TMEM117: variants seen among roughly 807,000 people sequenced by gnomAD.
TMEM117 encodes the protein transmembrane protein 117.
Under a neutral mutation model 52.4 loss-of-function variants are expected in TMEM117, and 27 were observed. The observed-to-expected ratio is 0.51, with a 90% CI of 0.38 to 0.71. TMEM117 has a LOEUF of 0.71. TMEM117 is among the 30% of genes least tolerant of loss of function. The probability of loss-of-function intolerance (pLI) is 0.00; values close to 1 mark genes in which losing one functional copy is unlikely to be tolerated. For synonymous variants in TMEM117, 215 were observed against 206.3 expected, an observed-to-expected ratio of 1.04 and a Z score of -0.36; for missense variants, 556 against 630.5, an observed-to-expected ratio of 0.88 and a Z score of 1.26.
At chr12:43,865,505 T>A (rs1209013745) in intron 2 of TMEM117, among the ~76,000 whole-genome samples, 1 of 152,066 alleles carries the variant, frequency 6.6e-6, no homozygotes, top group Non-Finnish European at 1.5e-5. Flanking sequence ...GAGACCAGCC[T>A]GGCCAGCATC....
chr12:44,312,252 C>T (rs1046730841), intron 6 of TMEM117, among the ~76,000 whole-genome samples: 1 of 151,708 alleles, frequency 6.6e-6, no homozygotes. Flanking sequence ...GTTTTTCAGC[C>T]CTTGTCCCTT....
intron 4 of TMEM117, among the ~76,000 whole-genome samples, chr12:44,171,209 G>C (rs896894638): frequency 6.6e-6 from 1 of 151,814 alleles, no homozygotes; most frequent in African/African-American, 2.4e-5. Flanking sequence ...TAGAGACAGG[G>C]TTTCACCATT....
At chr12:44,120,915 T>TC (rs1168593935) in intron 3 of TMEM117, among the ~76,000 whole-genome samples, 1 of 152,218 alleles carries the variant, frequency 6.6e-6, no homozygotes, top group Non-Finnish European at 1.5e-5. Flanking sequence ...TCTTTATTAG[T>TC]CCATTTTCAT....
chr12:43,797,377 T>A, the TMEM117 span: 4 of 1,605,512 alleles, frequency 2.5e-6, no homozygotes, highest in Non-Finnish European at 3.4e-6. Context: ...TCCTTGGGAA[T>A]CCTCTTTGGC....
the TMEM117 span, among the ~76,000 whole-genome samples, chr12:43,824,580 G>A: frequency 1.3e-5 from 2 of 152,186 alleles, no homozygotes; most frequent in African/African-American, 4.8e-5. Flanking sequence ...GAAACCTTGA[G>A]ATCTGTGACA....
At chr12:43,823,619 C>T in the TMEM117 span, among the ~76,000 whole-genome samples, 2 of 152,114 alleles carry the variant, frequency 1.3e-5, no homozygotes, top group Non-Finnish European at 2.9e-5. Flanking sequence ...AAGCCTCAGG[C>T]TCTTCTGCCT....
At chr12:44,316,465 G>C (rs558148129) in intron 6 of TMEM117, among the ~76,000 whole-genome samples, 1 of 152,202 alleles carries the variant, frequency 6.6e-6, no homozygotes, top group East Asian at 1.9e-4. Context: ...AAATTGATGG[G>C]ATTCCATTTG....
chr12:44,011,376 T>G (rs1011042804), intron 3 of TMEM117, among the ~76,000 whole-genome samples: 2 of 152,148 alleles, frequency 1.3e-5, no homozygotes, highest in Non-Finnish European at 2.9e-5. Context: ...GTGGAAGTAA[T>G]TGAATCATAC....
intron 3 of TMEM117, among the ~76,000 whole-genome samples, chr12:43,988,701 C>T (rs1410173534): frequency 1.3e-5 from 2 of 152,054 alleles, no homozygotes; most frequent in Admixed American, 1.3e-4. Flanking sequence ...CCTCTGATTT[C>T]ACCACGCTGC....
intron 3 of TMEM117, among the ~76,000 whole-genome samples, chr12:43,958,893 G>A (rs1304711379): frequency 6.6e-6 from 1 of 151,958 alleles, no homozygotes; most frequent in Admixed American, 6.6e-5. Flanking sequence ...TGCAAGCTCC[G>A]CCTCCCGGGT....
chr12:43,874,134 A>G (rs1943752322), intron 2 of TMEM117, among the ~76,000 whole-genome samples: 1 of 152,042 alleles, frequency 6.6e-6, no homozygotes, highest in Non-Finnish European at 1.5e-5. Context: ...TTTGGACTAG[A>G]TAAATTTCTT....
At chr12:44,105,154 T>G (rs908688308) in intron 3 of TMEM117, among the ~76,000 whole-genome samples, 2 of 152,010 alleles carry the variant, frequency 1.3e-5, no homozygotes, top group Non-Finnish European at 2.9e-5. Flanking sequence ...ATGTTCTGTT[T>G]GATTTTTTTT....
chr12:43,908,728 A>C (rs868146520), intron 2 of TMEM117, among the ~76,000 whole-genome samples: 17 of 152,278 alleles, frequency 1.1e-4, no homozygotes, highest in Middle Eastern at 3.4e-3. Context: ...TTTAAGCCAA[A>C]AAAGATCAAA....
rs1277428772 is a variant in TMEM117 at position 44,256,160 on chromosome 12, C to T, written c.609-43420C>T. 3.3e-5 allele frequency among the ~76,000 whole-genome samples: 5 copies of T among 151,554 alleles called. No homozygotes were observed. In the South Asian group the frequency reaches 6.2e-4, roughly 19 times the overall value. On this transcript the variant is annotated intron_variant, in intron 5 of 7. Transcript: ENST00000266534. ...TGTACACACTATGTGCATACATATA[C>T]ACATACATACCCACAGAATAAGGAT...
intron 5 of TMEM117, chr12:44,244,522 G>A (rs994271805): frequency 6.6e-6 from 1 of 151,744 alleles, no homozygotes; most frequent in African/African-American, 2.4e-5. Context: ...GTCTGTTCAG[G>A]TCCTTTGCCC....
chr12:44,190,247 C>T (rs771411988), intron 4 of TMEM117, among the ~76,000 whole-genome samples: 19 of 152,124 alleles, frequency 1.2e-4, no homozygotes, highest in African/African-American at 3.1e-4. Flanking sequence ...TAATTTTACA[C>T]GAAATAATCT....
chr12:43,855,987 T>C (rs192106293), intron 2 of TMEM117, among the ~76,000 whole-genome samples: 1 of 152,352 alleles, frequency 6.6e-6, no homozygotes, highest in Admixed American at 6.5e-5. Context: ...GATATGGGTA[T>C]GGTTTGACTT....
intron 4 of TMEM117, among the ~76,000 whole-genome samples, chr12:44,198,401 G>A (rs562065509): frequency 1.3e-5 from 2 of 152,198 alleles, no homozygotes; most frequent in South Asian, 4.2e-4. Flanking sequence ...ACAAAGCAGG[G>A]CCACCACAGA....
chr12:43,897,306 A>G (rs1169946334), intron 2 of TMEM117, among the ~76,000 whole-genome samples: 2 of 117,794 alleles, frequency 1.7e-5, no homozygotes, highest in Admixed American at 2.3e-4. Context: ...TCCTTTTGTA[A>G]CCATTCTTTT....
Sources: allele counts gnomAD v4.1 joint callset (sites outside exome capture counted in the v4.1 genomes callset), GRCh38; gene constraint gnomAD v4.1.1; transcripts MANE v1.5; gene names NCBI Gene and HGNC (gene_info 2026-07-23, HGNC 2026-07-21).